PPP2R2B: variants seen among roughly 807,000 people sequenced by gnomAD.
PPP2R2B encodes serine/threonine-protein phosphatase 2A 55 kDa regulatory subunit B beta isoform.
Under a neutral mutation model 46.0 loss-of-function variants are expected in PPP2R2B, and 5 were observed. That is an observed-to-expected ratio of 0.11 (90% CI 0.06 to 0.23). PPP2R2B has a LOEUF of 0.23. PPP2R2B is among the 10% of genes least tolerant of loss of function. PPP2R2B has a pLI of 1.00. For missense variants in PPP2R2B, 367 were observed against 575.0 expected (o/e 0.64, Z 3.70); for synonymous variants, 215 against 206.7 (o/e 1.04, Z -0.34).
At position 146,924,297 on chromosome 5, in the gene PPP2R2B, C is replaced by T. The variant is rs1434863833; in HGVS notation, c.79+131368G>A. On this transcript the variant is annotated intron_variant, in intron 1 of 8. Coordinates refer to the PPP2R2B transcript ENST00000336640. Reference sequence around the variant, plus strand: ...GACACCCCTGTGCTGTCTTTGCTTACAAGGACAACTGCAACTGAAAAGCAC... The same window carrying T: ...GACACCCCTGTGCTGTCTTTGCTTATAAGGACAACTGCAACTGAAAAGCAC... Among the ~76,000 whole-genome samples, 3 of 152,188 alleles carry T rather than the reference C, an allele frequency of 2.0e-5. No individual in the cohort carries two copies. In the East Asian group the frequency reaches 5.8e-4, roughly 29 times the overall value.
chr5:146,671,620 G>T (rs1002323637), intron 5 of PPP2R2B, among the ~76,000 whole-genome samples: 2 of 152,184 alleles, frequency 1.3e-5, no homozygotes, highest in African/African-American at 4.8e-5. Context: ...CACAAGTACT[G>T]CATGAAGCAG....
At chr5:146,900,924 C>A (rs768549851) in intron 1 of PPP2R2B, among the ~76,000 whole-genome samples, 4 of 152,048 alleles carry the variant, frequency 2.6e-5, no homozygotes, top group Admixed American at 1.3e-4. Flanking sequence ...AGGATGATGG[C>A]TTCCAGCTCC....
At chr5:146,646,969 C>T (rs1206343930) in intron 6 of PPP2R2B, among the ~76,000 whole-genome samples, 1 of 152,084 alleles carries the variant, frequency 6.6e-6, no homozygotes, top group African/African-American at 2.4e-5. Flanking sequence ...AAAGCTTATA[C>T]AGCCAGAAAA....
chr5:146,894,419 A>C (rs562231202), intron 1 of PPP2R2B, among the ~76,000 whole-genome samples: 2 of 152,264 alleles, frequency 1.3e-5, no homozygotes, highest in South Asian at 4.1e-4. Context: ...CTTGCCAAAC[A>C]TTCTTTTGCC....
chr5:146,769,592 C>A (rs772870417), intron 2 of PPP2R2B, among the ~76,000 whole-genome samples: 2 of 152,142 alleles, frequency 1.3e-5, no homozygotes, highest in Non-Finnish European at 2.9e-5. Context: ...ATGAATGACA[C>A]GGAACATATC....
intron 1 of PPP2R2B, among the ~76,000 whole-genome samples, chr5:146,943,968 G>A (rs375318020): frequency 4.4e-4 from 67 of 152,292 alleles, no homozygotes; most frequent in African/African-American, 1.3e-3. Flanking sequence ...TCATTGACAT[G>A]TGTTCAAGGA....
chr5:146,799,067 G>GGGCA (rs2151303090), intron 2 of PPP2R2B, among the ~76,000 whole-genome samples: 1 of 152,172 alleles, frequency 6.6e-6, no homozygotes, highest in Non-Finnish European at 1.5e-5. Flanking sequence ...TCCCATTCCG[G>GGGCA]GGCAGCCAGA....
chr5:146,935,854 CAG>C (rs1304460758), intron 1 of PPP2R2B, among the ~76,000 whole-genome samples: 13 of 152,148 alleles, frequency 8.5e-5, no homozygotes, highest in African/African-American at 3.1e-4. Flanking sequence ...TGCTTGGACT[CAG>C]ATAGAGCTGG....
intron 1 of PPP2R2B, among the ~76,000 whole-genome samples, chr5:147,031,782 A>G (rs554103502): frequency 9.2e-5 from 14 of 152,180 alleles, no homozygotes; most frequent in Non-Finnish European, 1.0e-4. Flanking sequence ...GCAAACAAAA[A>G]CATAAAGTGG....
intron 2 of PPP2R2B, among the ~76,000 whole-genome samples, chr5:146,744,169 A>G (rs1266793611): frequency 6.6e-6 from 1 of 152,226 alleles, no homozygotes; most frequent in Non-Finnish European, 1.5e-5. Context: ...AATAAAATAT[A>G]GAACATAAGG....
At chr5:146,835,086 A>T (rs548322172) in intron 2 of PPP2R2B, among the ~76,000 whole-genome samples, 6 of 152,284 alleles carry the variant, frequency 3.9e-5, no homozygotes, top group Non-Finnish European at 7.4e-5. Flanking sequence ...GTGATGAACA[A>T]ACAGGTGCAT....
At chr5:146,823,732 CCTAA>C (rs1758411123) in intron 2 of PPP2R2B, among the ~76,000 whole-genome samples, 2 of 152,130 alleles carry the variant, frequency 1.3e-5, no homozygotes, top group Admixed American at 6.6e-5. Flanking sequence ...AATTCTTCTC[CCTAA>C]CTTTCTGAAT....
At chr5:147,031,376 G>A (rs1442781759) in intron 1 of PPP2R2B, among the ~76,000 whole-genome samples, 1 of 152,026 alleles carries the variant, frequency 6.6e-6, no homozygotes, top group Non-Finnish European at 1.5e-5. Context: ...TTAAAATTCA[G>A]CTGTCCAACT....
intron 1 of PPP2R2B, among the ~76,000 whole-genome samples, chr5:147,044,071 G>C (rs1270482223): frequency 1.3e-5 from 2 of 152,024 alleles, no homozygotes; most frequent in Non-Finnish European, 2.9e-5. Flanking sequence ...TAAAACATTA[G>C]AATAGGGCTA....
At chr5:146,615,684 C>G (rs1301211802) in intron 7 of PPP2R2B, among the ~76,000 whole-genome samples, 1 of 151,614 alleles carries the variant, frequency 6.6e-6, no homozygotes, top group Non-Finnish European at 1.5e-5. Flanking sequence ...ACTTACTTAC[C>G]CAGAGAAGTA....
At chr5:146,906,848 T>C (rs1763016561) in intron 1 of PPP2R2B, among the ~76,000 whole-genome samples, 1 of 152,228 alleles carries the variant, frequency 6.6e-6, no homozygotes, top group East Asian at 1.9e-4. Flanking sequence ...TCAAAACATA[T>C]TGAATTGTAC....
intron 5 of PPP2R2B, among the ~76,000 whole-genome samples, chr5:146,682,292 A>G (rs950390916): frequency 2.0e-5 from 3 of 152,200 alleles, no homozygotes; most frequent in Non-Finnish European, 4.4e-5. Flanking sequence ...ACTACTTCGA[A>G]CTTTTCAATA....
At chr5:146,791,145 C>A (rs1561909673) in intron 2 of PPP2R2B, among the ~76,000 whole-genome samples, 1 of 152,116 alleles carries the variant, frequency 6.6e-6, no homozygotes, top group African/African-American at 2.4e-5. Flanking sequence ...ATATATATAA[C>A]ACAAAAAGTA....
At chr5:146,855,578 A>T (rs1043006888) in intron 2 of PPP2R2B, among the ~76,000 whole-genome samples, 1 of 152,098 alleles carries the variant, frequency 6.6e-6, no homozygotes, top group Non-Finnish European at 1.5e-5. Context: ...ATGATAAAAT[A>T]TTTATCTAGA....
Sources: allele counts gnomAD v4.1 joint callset (sites outside exome capture counted in the v4.1 genomes callset), GRCh38; gene constraint gnomAD v4.1.1; transcripts MANE v1.5; gene names NCBI Gene and HGNC (gene_info 2026-07-23, HGNC 2026-07-21).